The following SUGCT variants were observed in gnomAD, a reference collection of about 807,000 sequenced individuals.
SUGCT encodes succinyl-CoA:glutarate-CoA transferase, also known as succinyl-CoA:glutarate CoA-transferase.
In SUGCT, 41 loss-of-function variants were observed where a neutral mutation model predicts 55.0. The observed-to-expected ratio is 0.74, with a 90% CI of 0.58 to 0.97. The LOEUF is 0.97. SUGCT is among the 50% of genes least tolerant of loss of function. SUGCT has a pLI of 0.00. For missense variants in SUGCT, 568 were observed against 547.8 expected (o/e 1.04, Z -0.37); for synonymous variants, 187 against 200.4 (o/e 0.93, Z 0.56).
intron 9 of SUGCT, among the ~76,000 whole-genome samples, chr7:40,441,241 G>A (rs1261901299): frequency 1.3e-5 from 2 of 151,988 alleles, no homozygotes; most frequent in Non-Finnish European, 2.9e-5. Context: ...TCAAAACTGA[G>A]GCTCTTAAAT....
chr7:40,489,903 G>C (rs1791589965), intron 11 of SUGCT, among the ~76,000 whole-genome samples: 3 of 152,150 alleles, frequency 2.0e-5, no homozygotes, highest in Non-Finnish European at 4.4e-5. Flanking sequence ...AATTGAAGGA[G>C]ATATTTGTTA....
At chr7:40,806,787 A>C (rs1791117568) in intron 13 of SUGCT, among the ~76,000 whole-genome samples, 1 of 152,180 alleles carries the variant, frequency 6.6e-6, no homozygotes, top group Admixed American at 6.5e-5. Flanking sequence ...CTTGGAATGA[A>C]CAAATGGGGT....
intron 9 of SUGCT, among the ~76,000 whole-genome samples, chr7:40,383,842 G>A (rs1348840406): frequency 6.6e-6 from 1 of 152,158 alleles, no homozygotes; most frequent in African/African-American, 2.4e-5. Flanking sequence ...ACTAAAATGT[G>A]TGAAGTTGTA....
chr7:40,517,273 G>C (rs901488162), intron 12 of SUGCT, among the ~76,000 whole-genome samples: 1 of 149,062 alleles, frequency 6.7e-6, no homozygotes, highest in Non-Finnish European at 1.5e-5. Flanking sequence ...TTAAATGTAA[G>C]CTCATGTTAT....
intron 6 of SUGCT, among the ~76,000 whole-genome samples, chr7:40,227,353 A>G (rs960307770): frequency 2.6e-5 from 4 of 151,964 alleles, no homozygotes; most frequent in Non-Finnish European, 5.9e-5. Context: ...CCTGGCCAGT[A>G]TAATAGACCT....
rs377518526 is a variant in SUGCT, at chr7:40,565,967, T to TCA, written c.1089+69605_1089+69606dup. ...TTCGTAGTGATCAACACCTGGCATA[T>TCA]CACACACACACACACACACACACAC... On this transcript the variant is annotated intron_variant, in intron 12 of 13. Transcript: ENST00000335693. Among the ~76,000 whole-genome samples the TCA allele has an allele frequency of 3.0e-3, 402 of 134,724 alleles. 3 individuals carry two copies. Among genetic ancestry groups the TCA allele is most frequent in the African/African-American group, 5.6e-3 (199 of 35,852 alleles). 88.4% of individuals were successfully genotyped at this position (134,724 alleles called of 152,430 possible).
chr7:40,267,883 G>A (rs1255218045), intron 7 of SUGCT, among the ~76,000 whole-genome samples: 1 of 152,116 alleles, frequency 6.6e-6, no homozygotes. Context: ...CCTCAGAATT[G>A]TACTAAGGAG....
intron 13 of SUGCT, among the ~76,000 whole-genome samples, chr7:40,771,211 C>A (rs1337818216): frequency 6.6e-6 from 1 of 151,954 alleles, no homozygotes; most frequent in East Asian, 1.9e-4. Context: ...ACTTAGATTT[C>A]CCCCCCAACA....
chr7:40,346,664 T>C (rs60288145), intron 9 of SUGCT, among the ~76,000 whole-genome samples: 2,202 of 152,298 alleles, frequency 0.014, 45 homozygotes, highest in South Asian at 0.058. Flanking sequence ...ACGAGCTATA[T>C]GTGTCCCCCA....
chr7:40,279,896 G>A (rs1216270049), intron 8 of SUGCT, among the ~76,000 whole-genome samples: 2 of 152,098 alleles, frequency 1.3e-5, no homozygotes, highest in Non-Finnish European at 2.9e-5. Flanking sequence ...CCTGCATTAA[G>A]TAGGTAACAT....
chr7:40,183,739 A>G (rs1399409954), intron 3 of SUGCT, among the ~76,000 whole-genome samples: 2 of 152,180 alleles, frequency 1.3e-5, no homozygotes, highest in East Asian at 3.8e-4. Flanking sequence ...TATGTTTTTC[A>G]TCTGACATCT....
At chr7:40,734,630 CAG>C (rs1787067268) in intron 12 of SUGCT, among the ~76,000 whole-genome samples, 1 of 152,134 alleles carries the variant, frequency 6.6e-6, no homozygotes, top group Non-Finnish European at 1.5e-5. Context: ...TCTGCCAACT[CAG>C]AGAATCCATG....
rs553865735 is a variant in SUGCT at position 40,266,977 on chromosome 7, C to T, written c.577-7536C>T. On this transcript the variant is annotated intron_variant, in intron 7 of 13. Coordinates refer to ENST00000335693, the MANE Select transcript of SUGCT (RefSeq NM_001193313.2). ...GTTGCAGAGAGCTGAGATCATGCCA[C>T]TGCACTGCAGCCTGGGAGACAGAGC... Among the ~76,000 whole-genome samples the T allele has an allele frequency of 3.7e-3, 559 of 150,808 alleles. 2 individuals carry two copies. Among genetic ancestry groups the T allele is most frequent in the Non-Finnish European group, 5.8e-3 (395 of 67,842 alleles).
chr7:40,914,687 T>C, the SUGCT span, among the ~76,000 whole-genome samples: 4 of 152,200 alleles, frequency 2.6e-5, no homozygotes, highest in Non-Finnish European at 4.4e-5. Context: ...TGTTGTTTGG[T>C]AGTGTAGCCA....
chr7:40,243,960 G>T (rs1465678139), intron 7 of SUGCT, among the ~76,000 whole-genome samples: 1 of 152,098 alleles, frequency 6.6e-6, no homozygotes, highest in African/African-American at 2.4e-5. Flanking sequence ...GTCACTTCAG[G>T]TTAGGAGTTC....
intron 11 of SUGCT, among the ~76,000 whole-genome samples, chr7:40,468,959 C>G (rs1790268302): frequency 6.6e-6 from 1 of 152,124 alleles, no homozygotes; most frequent in Non-Finnish European, 1.5e-5. Flanking sequence ...ATGAAGATCC[C>G]CTTCCTGACA....
the SUGCT span, among the ~76,000 whole-genome samples, chr7:40,937,246 G>A: frequency 1.3e-5 from 2 of 152,064 alleles, no homozygotes; most frequent in Non-Finnish European, 2.9e-5. Context: ...TCGGCTCACT[G>A]CAACCTCTGC....
At chr7:40,823,811 A>G (rs1394700626) in intron 13 of SUGCT, among the ~76,000 whole-genome samples, 1 of 152,222 alleles carries the variant, frequency 6.6e-6, no homozygotes, top group African/African-American at 2.4e-5. Context: ...AAATAGCGAC[A>G]GACTTAAGAG....
At chr7:40,613,150 G>A (rs1364446444) in intron 12 of SUGCT, among the ~76,000 whole-genome samples, 1 of 152,028 alleles carries the variant, frequency 6.6e-6, no homozygotes, top group African/African-American at 2.4e-5. Flanking sequence ...AATCCTTGGA[G>A]CCAAATTCAA....
Sources: allele counts gnomAD v4.1 joint callset (sites outside exome capture counted in the v4.1 genomes callset), GRCh38; gene constraint gnomAD v4.1.1; transcripts MANE v1.5; gene names NCBI Gene and HGNC (gene_info 2026-07-23, HGNC 2026-07-21).